CDH12: variants seen among roughly 807,000 people sequenced by gnomAD.
The protein encoded by CDH12 is cadherin 12.
A neutral mutation model predicts 74.1 loss-of-function variants in CDH12; 41 were observed. The observed-to-expected ratio is 0.55, with a 90% confidence interval of 0.43 to 0.72. CDH12 has a LOEUF of 0.72. Among genes scored for constraint, CDH12 ranks in the 30% least tolerant of loss-of-function variants. CDH12 has a pLI of 0.00. For missense variants in CDH12, 945 were observed against 977.2 expected (o/e 0.97, Z 0.44); for synonymous variants, 399 against 355.0 (o/e 1.12, Z -1.39).
At chr5:22,023,535 T>G (rs1007442348) in intron 5 of CDH12, among the ~76,000 whole-genome samples, 1 of 151,868 alleles carries the variant, frequency 6.6e-6, no homozygotes, top group Non-Finnish European at 1.5e-5. Flanking sequence ...TATATATAAT[T>G]CTCTGTATTT....
intron 4 of CDH12, among the ~76,000 whole-genome samples, chr5:22,095,303 C>T (rs1323353864): frequency 1.3e-5 from 2 of 152,150 alleles, no homozygotes; most frequent in East Asian, 3.9e-4. Context: ...TCTCTCCCTT[C>T]TCTTAATTTC....
At chr5:22,693,802 G>T (rs955907319) in intron 1 of CDH12, among the ~76,000 whole-genome samples, 5 of 152,014 alleles carry the variant, frequency 3.3e-5, no homozygotes, top group Non-Finnish European at 4.4e-5. Flanking sequence ...CAAATGAGGA[G>T]TATTTACTTT....
At position 22,137,156 on chromosome 5, in the gene CDH12, A is replaced by G. The variant is rs1307759477; in HGVS notation, c.-186-58294T>C. On this transcript the variant is annotated intron_variant, in intron 4 of 14. Transcript: ENST00000382254. The stretch of plus-strand genomic sequence containing the variant: ...TCTTACAACTCAAAACTTGCCTTAC[A>G]AATTTTCTTAGAAGTAATCTTGACA... Among the ~76,000 whole-genome samples, 3 of 151,964 alleles carry G rather than the reference A, an allele frequency of 2.0e-5. No individual in the cohort carries two copies. In the East Asian group the frequency reaches 5.8e-4, roughly 29 times the overall value.
chr5:22,504,469 A>T (rs921114452), intron 2 of CDH12, among the ~76,000 whole-genome samples: 1 of 152,084 alleles, frequency 6.6e-6, no homozygotes, highest in Non-Finnish European at 1.5e-5. Context: ...CATTAGTTTA[A>T]TTACACATCT....
At chr5:22,678,138 A>G (rs1428465617) in intron 1 of CDH12, among the ~76,000 whole-genome samples, 1 of 152,006 alleles carries the variant, frequency 6.6e-6, no homozygotes. Flanking sequence ...ATCAGTAGGT[A>G]TTTTGACTGA....
At chr5:21,838,559 C>CA (rs544365920) in intron 8 of CDH12, among the ~76,000 whole-genome samples, 117 of 151,926 alleles carry the variant, frequency 7.7e-4, no homozygotes, top group South Asian at 1.7e-3. Context: ...GATTCCATCT[C>CA]AAAAAAACAA....
At chr5:22,580,308 T>C (rs1429628535) in intron 1 of CDH12, 5 of 419,272 alleles carry the variant, frequency 1.2e-5, no homozygotes, top group South Asian at 5.4e-5. Flanking sequence ...GTCAAGCTTA[T>C]TGGCAAACAA....
intron 3 of CDH12, among the ~76,000 whole-genome samples, chr5:22,384,663 G>T (rs1741925373): frequency 6.6e-6 from 1 of 152,050 alleles, no homozygotes; most frequent in Non-Finnish European, 1.5e-5. Context: ...GACTATTAGA[G>T]ATCTTGGCAT....
intron 1 of CDH12, among the ~76,000 whole-genome samples, chr5:22,735,389 A>T (rs978086963): frequency 6.6e-6 from 1 of 151,942 alleles, no homozygotes; most frequent in African/African-American, 2.4e-5. Context: ...ATATATACAC[A>T]GATGTTTAAG....
chr5:21,949,246 C>T (rs2910505), intron 6 of CDH12, among the ~76,000 whole-genome samples: 5 of 151,926 alleles, frequency 3.3e-5, no homozygotes, highest in South Asian at 2.1e-4. Context: ...GTCAGGAGAT[C>T]GAGACCATCC....
intron 1 of CDH12, among the ~76,000 whole-genome samples, chr5:22,597,165 A>G (rs1231490441): frequency 6.6e-6 from 1 of 152,022 alleles, no homozygotes; most frequent in Non-Finnish European, 1.5e-5. Context: ...CAGCAACCAA[A>G]CTTGCCCTCT....
At chr5:22,435,205 A>G (rs1744328382) in intron 2 of CDH12, among the ~76,000 whole-genome samples, 1 of 151,782 alleles carries the variant, frequency 6.6e-6, no homozygotes. Flanking sequence ...GAAAAATGTG[A>G]AAAGGCTACA....
chr5:22,244,796 G>GA (rs1436220615), intron 3 of CDH12, among the ~76,000 whole-genome samples: 1 of 108,720 alleles, frequency 9.2e-6, no homozygotes, highest in East Asian at 3.0e-4. Context: ...AAGAAAGAAA[G>GA]AAAGAAAAAT....
rs189565586 is a variant in CDH12 at position 22,602,366 on chromosome 5, T to A, written c.-522-97002A>T. Among the ~76,000 whole-genome samples the A allele has an allele frequency of 2.5e-4, 38 of 152,266 alleles. 1 individual carries two copies. Among genetic ancestry groups the A allele is most frequent in the Non-Finnish European group, 4.4e-4 (30 of 67,974 alleles). On this transcript the variant is annotated intron_variant, in intron 1 of 14. Transcript: ENST00000382254. ...ATAAAATAAACCTGGCATTTCAGAA[T>A]AATCCAGCAATTAAGGAAAACTATC... is the stretch of plus-strand genomic sequence containing the variant.
intron 14 of CDH12, among the ~76,000 whole-genome samples, chr5:21,754,550 A>G (rs1319936550): frequency 6.6e-6 from 1 of 152,198 alleles, no homozygotes; most frequent in Non-Finnish European, 1.5e-5. Flanking sequence ...TATCTACACC[A>G]TGCCAATTGG....
chr5:22,122,581 T>C (rs1310707628), intron 4 of CDH12, among the ~76,000 whole-genome samples: 2 of 151,870 alleles, frequency 1.3e-5, no homozygotes, highest in Non-Finnish European at 3.0e-5. Flanking sequence ...GACATTCCTC[T>C]ATAGACATTA....
chr5:22,341,070 A>G (rs1369610575), intron 3 of CDH12, among the ~76,000 whole-genome samples: 2 of 152,220 alleles, frequency 1.3e-5, no homozygotes, highest in East Asian at 3.8e-4. Context: ...AATTCTTACT[A>G]TAGTCTATAT....
chr5:22,592,681 C>T (rs1361473984), intron 1 of CDH12, among the ~76,000 whole-genome samples: 1 of 148,444 alleles, frequency 6.7e-6, no homozygotes, highest in Non-Finnish European at 1.5e-5. Context: ...CCCCCTCCAC[C>T]CCCCACCACC....
chr5:21,945,465 G>C (rs1388992256), intron 6 of CDH12, among the ~76,000 whole-genome samples: 17 of 120,682 alleles, frequency 1.4e-4, no homozygotes, highest in Middle Eastern at 4.4e-3. Context: ...AAAAGAGGTT[G>C]GAATTATCTA....
Sources: gnomAD v4.1 joint callset for allele counts (sites outside exome capture counted in the v4.1 genomes callset) on GRCh38, gnomAD v4.1.1 for gene constraint, MANE v1.5 for transcripts, NCBI Gene and HGNC (gene_info 2026-07-23, HGNC 2026-07-21) for gene names.